The following RALB variants were observed in gnomAD, a reference collection of about 807,000 sequenced individuals.
The protein encoded by RALB is RAS like proto-oncogene B.
Under a neutral mutation model 21.3 loss-of-function variants are expected in RALB, and 16 were observed. That is an observed-to-expected ratio of 0.75 (90% confidence interval 0.51 to 1.14). The LOEUF (loss-of-function observed/expected upper bound fraction) is 1.14. Ranked by LOEUF, RALB falls within the 50% of genes most tolerant of loss-of-function variation. RALB has a pLI of 0.00. For synonymous variants in RALB, 93 were observed against 96.1 expected (o/e 0.97, Z 0.19); for missense variants, 161 against 256.2 (o/e 0.63, Z 2.54).
chr2:120,268,978 C>T (rs912926343), intron 1 of RALB, among the ~76,000 whole-genome samples: 7 of 152,074 alleles, frequency 4.6e-5, no homozygotes, highest in African/African-American at 1.7e-4. Flanking sequence ...GTTTTCTGCA[C>T]GTTTCTGATA....
chr2:120,294,011 A>G lies in RALB; in HGVS notation c.*751A>G. ...TGAAGACTCAGGAATGGTGTGCATT[A>G]TAAATGACACACATTGCCACTTGTG... is the stretch of plus-strand genomic sequence containing the variant. On this transcript the variant is annotated 3_prime_UTR_variant, in exon 5 of 5. Coordinates refer to ENST00000272519, the MANE Select transcript of RALB (RefSeq NM_002881.3). 1 of 397,508 alleles carries G rather than the reference A, an allele frequency of 2.5e-6. No homozygotes were observed. Among genetic ancestry groups the G allele is most frequent in the Non-Finnish European group, 4.4e-6 (1 of 225,858 alleles). 24.6% of individuals were successfully genotyped at this position (397,508 alleles called of 1,614,324 possible). A position where few individuals can be genotyped will look rare whatever the true frequency, so the allele number is the denominator to read the frequency against.
intron 2 of RALB, chr2:120,280,812 A>G (rs1250736756): frequency 1.0e-5 from 4 of 386,880 alleles, no homozygotes; most frequent in Middle Eastern, 3.6e-4. Flanking sequence ...AGGAAAGACT[A>G]AATTATTTTT....
intron 1 of RALB, among the ~76,000 whole-genome samples, chr2:120,254,721 A>G (rs1208959802): frequency 6.6e-6 from 1 of 152,126 alleles, no homozygotes; most frequent in Non-Finnish European, 1.5e-5. Context: ...GCTATTTCCC[A>G]GGCTGGAGTG....
chr2:120,257,765 C>T (rs1214818879), intron 1 of RALB, among the ~76,000 whole-genome samples: 1 of 152,184 alleles, frequency 6.6e-6, no homozygotes, highest in Non-Finnish European at 1.5e-5. Context: ...TCTTTCTTTT[C>T]TTTCATTCTA....
intron 4 of RALB, 58 bp downstream of exon 4, chr2:120,289,815 G>T: frequency 6.7e-7 from 1 of 1,482,238 alleles, no homozygotes; most frequent in South Asian, 1.3e-5. Context: ...CAGAATGGAG[G>T]CATCTCATCT....
chr2:120,279,975 C>T (rs150844719), intron 2 of RALB, among the ~76,000 whole-genome samples: 17 of 152,192 alleles, frequency 1.1e-4, no homozygotes, highest in Non-Finnish European at 1.3e-4. Context: ...TGGAGTCACG[C>T]GGCATGTGGC....
chr2:120,258,936 C>T (rs1008264213), intron 1 of RALB, among the ~76,000 whole-genome samples: 32 of 151,820 alleles, frequency 2.1e-4, no homozygotes, highest in East Asian at 3.9e-4. Context: ...CAGATGTGTT[C>T]GGAGTTTCTT....
chr2:120,260,664 ATG>A, intron 1 of RALB, among the ~76,000 whole-genome samples: 1 of 152,328 alleles, frequency 6.6e-6, no homozygotes, highest in East Asian at 1.9e-4. Flanking sequence ...CTGTGGGAGA[ATG>A]TGGGCTGTGG....
chr2:120,251,572 T>G (rs1209364122), upstream of RALB, among the ~76,000 whole-genome samples: 2 of 152,204 alleles, frequency 1.3e-5, no homozygotes, highest in Non-Finnish European at 2.9e-5. Context: ...GCTTCCAGAC[T>G]CCAAACCTGT....
chr2:120,285,171 C>T (rs928350468), intron 2 of RALB, among the ~76,000 whole-genome samples: 2 of 152,008 alleles, frequency 1.3e-5, no homozygotes, highest in African/African-American at 4.8e-5. Flanking sequence ...TCACAAGGCG[C>T]CAGGAAGAAG....
intron 3 of RALB, among the ~76,000 whole-genome samples, chr2:120,287,032 C>T (rs917208274): frequency 6.6e-6 from 1 of 152,202 alleles, no homozygotes; most frequent in Non-Finnish European, 1.5e-5. Context: ...ATAAACATAT[C>T]TATCTAGATG....
upstream of RALB, among the ~76,000 whole-genome samples, chr2:120,251,610 G>T (rs745563023): frequency 6.6e-6 from 1 of 152,214 alleles, no homozygotes; most frequent in Non-Finnish European, 1.5e-5. Context: ...CGTAAGAAAA[G>T]GTTTGGGTCT....
chr2:120,289,238 C>CTTTTTTTTTTTTTTTTTT (rs1188115492), intron 3 of RALB, among the ~76,000 whole-genome samples: 1 of 101,168 alleles, frequency 9.9e-6, no homozygotes, highest in African/African-American at 3.2e-5. Flanking sequence ...CATTTTTCTT[C>CTTTTTTTTTTTTTTTTTT]TTTTTGTTTT....
chr2:120,290,053 G>C (rs1022574963), intron 4 of RALB, among the ~76,000 whole-genome samples: 16 of 152,128 alleles, frequency 1.1e-4, no homozygotes, highest in African/African-American at 3.6e-4. Context: ...CACCAGGCTG[G>C]AGTGGTGTGA....
At chr2:120,266,987 C>T (rs1039740238) in intron 1 of RALB, among the ~76,000 whole-genome samples, 4 of 151,866 alleles carry the variant, frequency 2.6e-5, no homozygotes, top group East Asian at 1.9e-4. Context: ...ATGGGCTGGC[C>T]GGGGGATATC....
chr2:120,274,099 T>C (rs2104623255), intron 1 of RALB, among the ~76,000 whole-genome samples: 1 of 152,294 alleles, frequency 6.6e-6, no homozygotes, highest in East Asian at 1.9e-4. Flanking sequence ...ACAGCCATAA[T>C]AATTCATAGA....
intron 1 of RALB, among the ~76,000 whole-genome samples, chr2:120,273,002 A>T (rs776844285): frequency 6.6e-6 from 1 of 152,222 alleles, no homozygotes; most frequent in Non-Finnish European, 1.5e-5. Flanking sequence ...TGGCTTAAAC[A>T]GTTAGAAGTT....
chr2:120,252,990 CGGCGCCCGCGGGCCCCGGGCGGGGTGG>C lies in RALB; in HGVS notation c.-48+16_-48+42del. On this transcript the variant is annotated intron_variant, in intron 1 of 4. Transcript: ENST00000272519. ...GCGGGACTGGTCCCTGGTAAGGGCG[CGGCGCCCGCGGGCCCCGGGCGGGGTGG>C]GGCGCGGGCTGGGGAGTGGGGTACG... 1 of 984,588 alleles carries C rather than the reference CGGCGCCCGCGGGCCCCGGGCGGGGTGG, an allele frequency of 1.0e-6. No individual in the cohort carries two copies. Among genetic ancestry groups the C allele is most frequent in the Non-Finnish European group, 1.2e-6 (1 of 829,598 alleles). The allele number at this position is 984,588 out of a possible 1,614,324, so 61.0% of individuals were successfully genotyped here.
chr2:120,265,270 C>T (rs908911545), intron 1 of RALB, among the ~76,000 whole-genome samples: 6 of 152,174 alleles, frequency 3.9e-5, no homozygotes, highest in African/African-American at 7.2e-5. Flanking sequence ...CAAATCTGCA[C>T]GTCATGTTAC....
Sources: gnomAD v4.1 joint callset for allele counts (sites outside exome capture counted in the v4.1 genomes callset) on GRCh38, gnomAD v4.1.1 for gene constraint, MANE v1.5 for transcripts, NCBI Gene and HGNC (gene_info 2026-07-23, HGNC 2026-07-21) for gene names.